Variants in SMC6 observed in about 807,000 individuals in gnomAD.
The protein encoded by SMC6 is structural maintenance of chromosomes protein 6.
In SMC6, 79 loss-of-function variants were observed where a neutral mutation model predicts 142.2. The observed-to-expected ratio is 0.56, with a 90% CI of 0.46 to 0.67. The LOEUF is 0.67. Among genes scored for constraint, SMC6 ranks in the 30% least tolerant of loss-of-function variants. The pLI is 0.00. For synonymous variants in SMC6, 411 were observed against 412.4 expected, an observed-to-expected ratio of 1.00 and a Z score of 0.04; for missense variants, 1,072 against 1,284.0, an observed-to-expected ratio of 0.83 and a Z score of 2.52.
At chr2:17,711,580 C>G (rs1484832922) in intron 16 of SMC6, among the ~76,000 whole-genome samples, 2 of 151,972 alleles carry the variant, frequency 1.3e-5, no homozygotes, top group Non-Finnish European at 2.9e-5. Context: ...AAAAACACCA[C>G]TAAGTTAAAA....
chr2:17,695,180 T>C lies in SMC6; in HGVS notation c.2650A>G (p.Ser884Gly), dbSNP rs769214479. The change falls in exon 23 of 28, where the codon AGT (serine) becomes GGT (glycine). Residue 884 changes from serine (S) to glycine (G), a missense_variant. Transcript: ENST00000448223. Reference protein sequence around the residue: ...LRQKIQAEHASHGDREEIMRQ... With the variant: ...LRQKIQAEHAGHGDREEIMRQ... ...ATTATTTCCTCTCGATCTCCATGAC[T>C]AGCATGTTCTGCCTGTATCTTCTGC... The C allele has an allele frequency of 8.7e-6, 14 of 1,613,450 alleles. No homozygotes were observed. The highest frequency in any genetic ancestry group is 1.7e-5 in the Admixed American group (1 of 59,956).
chr2:17,753,393 G>T (rs1671191327), intron 1 of SMC6, among the ~76,000 whole-genome samples: 1 of 152,230 alleles, frequency 6.6e-6, no homozygotes, highest in African/African-American at 2.4e-5. Flanking sequence ...CAGGTTTCCC[G>T]CGGCTCAGGA....
chr2:17,747,456 A>G (rs1370790049), intron 2 of SMC6, among the ~76,000 whole-genome samples: 1 of 151,808 alleles, frequency 6.6e-6, no homozygotes, highest in Non-Finnish European at 1.5e-5. Flanking sequence ...ATGTCTATCA[A>G]TATTTATTAT....
chr2:17,732,994 A>T (rs929548029), intron 5 of SMC6, among the ~76,000 whole-genome samples: 10 of 152,352 alleles, frequency 6.6e-5, no homozygotes, highest in Non-Finnish European at 5.9e-5. Flanking sequence ...GATGAAGGAC[A>T]TTAATAAAGA....
chr2:17,752,915 CA>C (rs1558388675), intron 2 of SMC6, 62 bp downstream of exon 2: 1 of 621,602 alleles, frequency 1.6e-6, no homozygotes, highest in Non-Finnish European at 2.0e-6. Context: ...TAAGCGCTCA[CA>C]AAACTTCTGT....
Position 17,703,165 on chromosome 2 carries a change from C to T in SMC6, c.2134G>A (p.Glu712Lys). 1 of 1,423,548 alleles carries T rather than the reference C, an allele frequency of 7.0e-7. No individual in the cohort carries two copies. The highest frequency in any genetic ancestry group is 9.7e-7 in the Non-Finnish European group (1 of 1,034,912). The allele number at this position is 1,423,548 out of a possible 1,614,324, so 88.2% of individuals were successfully genotyped here. A position where few individuals can be genotyped will look rare whatever the true frequency, so the allele number is the denominator to read the frequency against. The change falls in exon 19 of 28, where the codon GAA becomes AAA. Residue 712 changes from glutamate to lysine, a missense_variant. Coordinates refer to ENST00000448223, the MANE Select transcript of SMC6 (RefSeq NM_001142286.2). ...TATTATTATTTTTTTACCTTTAGTT[C>T]TTTATAATGTAGTTGGCACCTTTTA... ...LLKRCQLHYKELKMKIRKNIS... is the reference protein window; with the variant it reads ...LLKRCQLHYKKLKMKIRKNIS...
At chr2:17,753,219 C>T (rs995292218) in intron 1 of SMC6, among the ~76,000 whole-genome samples, 155 bp from the exon 2 acceptor site, 7 of 148,484 alleles carry the variant, frequency 4.7e-5, no homozygotes, top group African/African-American at 1.5e-4. Context: ...ACACCAGTTG[C>T]CGCCTGCGAG....
chr2:17,714,818 G>A (rs1317862053), intron 16 of SMC6, 43 bp downstream of exon 16: 2 of 1,582,480 alleles, frequency 1.3e-6, no homozygotes, highest in Non-Finnish European at 1.7e-6. Flanking sequence ...TCTTGCATAT[G>A]ATTAAGCAAA....
intron 25 of SMC6, 109 bp from the exon 26 acceptor site, chr2:17,670,684 A>C (rs1438936640): frequency 9.0e-7 from 1 of 1,116,006 alleles, no homozygotes; most frequent in Non-Finnish European, 1.2e-6. Flanking sequence ...AGGAGATGGG[A>C]ATAAAATGAC....
At chr2:17,724,514 T>C (rs989650109) in intron 9 of SMC6, among the ~76,000 whole-genome samples, 17 of 152,322 alleles carry the variant, frequency 1.1e-4, no homozygotes, top group Middle Eastern at 3.4e-3. Context: ...GAACAAGATA[T>C]GGAATTACAT....
chr2:17,728,067 T>C (rs987755994), intron 7 of SMC6, among the ~76,000 whole-genome samples: 11 of 152,180 alleles, frequency 7.2e-5, no homozygotes, highest in African/African-American at 2.4e-4. Context: ...TCACCGAAGT[T>C]TATATTCATT....
At chr2:17,697,892 G>C (rs567583938) in intron 21 of SMC6, among the ~76,000 whole-genome samples, 1 of 151,950 alleles carries the variant, frequency 6.6e-6, no homozygotes, top group African/African-American at 2.4e-5. Context: ...ATGAATGTTC[G>C]CAGCAGCAGC....
intron 21 of SMC6, among the ~76,000 whole-genome samples, chr2:17,699,603 TCA>T (rs1289383662): frequency 2.6e-5 from 4 of 152,162 alleles, no homozygotes; most frequent in Non-Finnish European, 4.4e-5. Context: ...TGTTATAGTT[TCA>T]CAGGTCCCTA....
intron 23 of SMC6, among the ~76,000 whole-genome samples, chr2:17,692,201 G>A (rs185313893): frequency 0.018 from 2,756 of 152,084 alleles, 53 homozygotes; most frequent in African/African-American, 0.047. Flanking sequence ...ATTGGAAAAA[G>A]CTACTTTAAA....
chr2:17,699,813 G>A (rs1007501418), intron 21 of SMC6, among the ~76,000 whole-genome samples: 4 of 152,262 alleles, frequency 2.6e-5, no homozygotes, highest in African/African-American at 9.6e-5. Context: ...CAAGAGATGA[G>A]TAGTACTTTA....
intron 9 of SMC6, among the ~76,000 whole-genome samples, chr2:17,724,609 T>C (rs1027730559): frequency 6.6e-6 from 1 of 152,178 alleles, no homozygotes; most frequent in Non-Finnish European, 1.5e-5. Flanking sequence ...ACACAGAAAG[T>C]TGGATCTTCA....
intron 11 of SMC6, 99 bp downstream of exon 11, chr2:17,720,841 A>C: frequency 2.0e-6 from 2 of 982,982 alleles, no homozygotes; most frequent in Middle Eastern, 3.3e-4. Context: ...AGACAAATAT[A>C]CTGTCTGAAA....
chr2:17,745,175 C>T (rs1349227611), intron 3 of SMC6, among the ~76,000 whole-genome samples: 1 of 152,058 alleles, frequency 6.6e-6, no homozygotes, highest in Non-Finnish European at 1.5e-5. Flanking sequence ...TTACAGTTTG[C>T]TTTTTTGGGG....
intron 4 of SMC6, among the ~76,000 whole-genome samples, chr2:17,738,914 G>A (rs533598777): frequency 9.2e-5 from 14 of 152,166 alleles, no homozygotes; most frequent in Admixed American, 1.3e-4. Flanking sequence ...CTCTCAAAGC[G>A]CTGTGATTAT....
Sources: gnomAD v4.1 joint callset for allele counts (sites outside exome capture counted in the v4.1 genomes callset) on GRCh38, gnomAD v4.1.1 for gene constraint, MANE v1.5 for transcripts, NCBI Gene and HGNC (gene_info 2026-07-23, HGNC 2026-07-21) for gene names.